The following TAS1R1 variants were observed in gnomAD, a reference collection of about 807,000 sequenced individuals.
TAS1R1 encodes the protein taste receptor type 1 member 1.
TAS1R1 carries 31 observed loss-of-function variants against 45.8 expected under a neutral mutation model. The observed-to-expected ratio is 0.68, with a 90% confidence interval of 0.51 to 0.91. The LOEUF (loss-of-function observed/expected upper bound fraction) is 0.91, where lower values mean the gene tolerates loss of function less well. Ranked by LOEUF, TAS1R1 falls within the 40% of genes least tolerant of loss-of-function variation. The pLI, the probability that TAS1R1 is intolerant of heterozygous loss-of-function variation, is 0.00. For synonymous variants in TAS1R1, 437 were observed against 448.4 expected (o/e 0.97, Z 0.32); for missense variants, 1,051 against 1,063.9 (o/e 0.99, Z 0.17).
intron 1 of TAS1R1, 55 bp from the exon 2 acceptor site, chr1:6,570,854 G>A (rs1639990506): frequency 2.7e-6 from 4 of 1,491,314 alleles, no homozygotes; most frequent in Middle Eastern, 1.8e-4. Flanking sequence ...GGAGGCCAGA[G>A]GGTCTCAGCA....
chr1:6,559,853 G>A (rs1258741512), intron 1 of TAS1R1, among the ~76,000 whole-genome samples: 1 of 151,792 alleles, frequency 6.6e-6, no homozygotes, highest in Non-Finnish European at 1.5e-5. Flanking sequence ...AGCTGGACGT[G>A]TGGGTGCACC....
chr1:6,573,652 ATTTATT>A (rs926345428), intron 2 of TAS1R1, among the ~76,000 whole-genome samples: 6 of 151,510 alleles, frequency 4.0e-5, no homozygotes, highest in Non-Finnish European at 5.9e-5. Context: ...TTATTTATTT[ATTTATT>A]TTTATTTTTA....
At chr1:6,578,603 C>T (rs1640256996) in intron 5 of TAS1R1, 50 bp from the exon 6 acceptor site, 1 of 1,521,190 alleles carries the variant, frequency 6.6e-7, no homozygotes, top group African/African-American at 1.4e-5. Flanking sequence ...ATTTCCTATT[C>T]CTACTCTGCT....
chr1:6,555,903 G>A (rs1054489151), intron 1 of TAS1R1, among the ~76,000 whole-genome samples: 1 of 118,024 alleles, frequency 8.5e-6, no homozygotes, highest in Non-Finnish European at 1.7e-5. Context: ...ACGGAGTCTC[G>A]CTCTTTCACC....
At chr1:6,556,924 C>T (rs112372572) in intron 1 of TAS1R1, among the ~76,000 whole-genome samples, 3,290 of 149,126 alleles carry the variant, frequency 0.022, 120 homozygotes, top group African/African-American at 0.076. Flanking sequence ...GCAGGAGAAT[C>T]GCATGAACCC....
chr1:6,556,694 G>C (rs138853214), intron 1 of TAS1R1, among the ~76,000 whole-genome samples: 3 of 151,214 alleles, frequency 2.0e-5, no homozygotes, highest in African/African-American at 7.3e-5. Flanking sequence ...GAGCCACCGC[G>C]CCCGGCCTGC....
intron 1 of TAS1R1, among the ~76,000 whole-genome samples, chr1:6,569,373 G>A (rs1454248961): frequency 2.6e-5 from 4 of 152,196 alleles, no homozygotes; most frequent in Non-Finnish European, 4.4e-5. Context: ...AGGAATCTCG[G>A]ACCACTTCCC....
intron 1 of TAS1R1, among the ~76,000 whole-genome samples, chr1:6,563,643 T>G (rs1421122406): frequency 6.6e-6 from 1 of 151,794 alleles, no homozygotes; most frequent in Admixed American, 6.6e-5. Context: ...TAGGATGGGG[T>G]TGGGCTGGTT....
chr1:6,579,646 GC>G lies in TAS1R1; in HGVS notation c.*64del. On this transcript the variant is annotated 3_prime_UTR_variant, in exon 6 of 6. Coordinates refer to ENST00000333172, the MANE Select transcript of TAS1R1 (RefSeq NM_138697.4). ...GCCCTGAGGGTCGAAGGTCGAGCAG[GC>G]CGGGGGTGTCCGGGAGGTCTTTGGG... 6.5e-7 allele frequency: 1 copy of G among 1,533,912 alleles called. No individual in the cohort carries two copies. Among genetic ancestry groups the G allele is most frequent in the Non-Finnish European group, 8.7e-7 (1 of 1,147,166 alleles).
chr1:6,567,356 C>T (rs1352855377), intron 1 of TAS1R1, among the ~76,000 whole-genome samples: 3 of 151,744 alleles, frequency 2.0e-5, no homozygotes, highest in Admixed American at 6.6e-5. Flanking sequence ...GTCAGGAGAT[C>T]GAGACCATCC....
intron 1 of TAS1R1, among the ~76,000 whole-genome samples, chr1:6,567,355 T>C (rs972545153): frequency 7.9e-5 from 12 of 151,524 alleles, no homozygotes; most frequent in South Asian, 4.2e-4. Context: ...GGTCAGGAGA[T>C]CGAGACCATC....
chr1:6,562,572 T>C (rs1386888464), intron 1 of TAS1R1, among the ~76,000 whole-genome samples: 1 of 152,130 alleles, frequency 6.6e-6, no homozygotes, highest in African/African-American at 2.4e-5. Flanking sequence ...AACACTCAGC[T>C]TTTCTCCCAA....
intron 1 of TAS1R1, among the ~76,000 whole-genome samples, chr1:6,561,632 CT>C: frequency 6.6e-6 from 1 of 151,684 alleles, no homozygotes; most frequent in Admixed American, 6.6e-5. Context: ...GGAGAATAGC[CT>C]GAATCTGGGA....
intron 1 of TAS1R1, among the ~76,000 whole-genome samples, chr1:6,556,911 G>A (rs1167554933): frequency 6.6e-6 from 1 of 150,816 alleles, no homozygotes; most frequent in Non-Finnish European, 1.5e-5. Context: ...TCAGGAGCCT[G>A]AGGCAGGAGA....
intron 2 of TAS1R1, among the ~76,000 whole-genome samples, chr1:6,573,573 G>A (rs1013298764): frequency 2.6e-5 from 4 of 152,320 alleles, no homozygotes; most frequent in Admixed American, 6.5e-5. Context: ...GACTGGTTTC[G>A]TGGAAGACAA....
In TAS1R1 at chr1:6,579,754, C is replaced by A. The variant is rs1640338439; in HGVS notation, c.*170C>A. Reference sequence around the variant, plus strand: ...GGGCTGCCAATAAAGAAGTGAAATGCGTATCTGGTCTCCTGTCGTGGGAGA... The same window carrying A: ...GGGCTGCCAATAAAGAAGTGAAATGAGTATCTGGTCTCCTGTCGTGGGAGA... On this transcript the variant is annotated 3_prime_UTR_variant, in exon 6 of 6. Transcript: ENST00000333172. The A allele has an allele frequency of 6.0e-6, 5 of 832,024 alleles. No homozygotes were observed. Among genetic ancestry groups the A allele is most frequent in the Non-Finnish European group, 9.1e-6 (5 of 550,054 alleles). 51.5% of individuals were successfully genotyped at this position (832,024 alleles called of 1,614,324 possible). A position where few individuals can be genotyped will look rare whatever the true frequency, so the allele number is the denominator to read the frequency against.
chr1:6,564,356 G>A (rs987872263), intron 1 of TAS1R1, among the ~76,000 whole-genome samples: 2 of 152,108 alleles, frequency 1.3e-5, no homozygotes, highest in Non-Finnish European at 2.9e-5. Context: ...GAAGATGGTG[G>A]ATGAGAGAGA....
Position 6,579,751 on chromosome 1 carries a change from A to G in TAS1R1, c.*167A>G, listed in dbSNP as rs1640338233. The G allele has an allele frequency of 2.3e-6, 2 of 861,650 alleles. No individual in the cohort carries two copies. Among genetic ancestry groups the G allele is most frequent in the South Asian group, 1.8e-5 (1 of 55,612 alleles). The allele number at this position is 861,650 out of a possible 1,614,324, so 53.4% of individuals were successfully genotyped here. A position where few individuals can be genotyped will look rare whatever the true frequency, so the allele number is the denominator to read the frequency against. On this transcript the variant is annotated 3_prime_UTR_variant, in exon 6 of 6. Coordinates refer to ENST00000333172, the MANE Select transcript of TAS1R1 (RefSeq NM_138697.4). ...TCCGGGCTGCCAATAAAGAAGTGAA[A>G]TGCGTATCTGGTCTCCTGTCGTGGG... is the stretch of plus-strand genomic sequence containing the variant.
In TAS1R1 at chr1:6,575,407, C is replaced by G. The variant is rs1025274672; in HGVS notation, c.1260+15C>G. 1.4e-4 allele frequency: 209 copies of G among 1,534,038 alleles called. No homozygotes were observed. The highest frequency in any genetic ancestry group is 1.8e-4 in the Non-Finnish European group (206 of 1,144,126). Reference sequence around the variant, plus strand: ...ACCCCTGGCAGGTAAGAGAGCCCACCCCAGCACCTCCTGTCAGGGAGAACA... The same window carrying G: ...ACCCCTGGCAGGTAAGAGAGCCCACGCCAGCACCTCCTGTCAGGGAGAACA... On this transcript the variant is annotated intron_variant, in intron 3 of 5. Coordinates refer to ENST00000333172, the MANE Select transcript of TAS1R1 (RefSeq NM_138697.4).
Sources: gnomAD v4.1 joint callset for allele counts (sites outside exome capture counted in the v4.1 genomes callset) on GRCh38, gnomAD v4.1.1 for gene constraint, MANE v1.5 for transcripts, NCBI Gene and HGNC (gene_info 2026-07-23, HGNC 2026-07-21) for gene names.